GNB1: variants seen among roughly 807,000 people sequenced by gnomAD.
The protein encoded by GNB1 is G protein subunit beta 1.
In GNB1, 2 loss-of-function variants were observed where a neutral mutation model predicts 42.9. The ratio of observed to expected loss-of-function variants is 0.05; its 90% CI spans 0.02 to 0.15. The LOEUF (loss-of-function observed/expected upper bound fraction) is 0.15, where lower values mean the gene tolerates loss of function less well. GNB1 is among the 10% of genes least tolerant of loss of function. The probability of loss-of-function intolerance (pLI) is 1.00; values close to 1 mark genes in which losing one functional copy is unlikely to be tolerated. For synonymous variants in GNB1, 183 were observed against 174.7 expected, an observed-to-expected ratio of 1.05 and a Z score of -0.38; for missense variants, 193 against 462.2, an observed-to-expected ratio of 0.42 and a Z score of 5.34.
intron 1 of GNB1, among the ~76,000 whole-genome samples, chr1:1,879,266 T>A (rs1022156887): frequency 6.6e-6 from 1 of 152,210 alleles, no homozygotes; most frequent in Non-Finnish European, 1.5e-5. Context: ...TCCTCAACTA[T>A]TAAGGACCCC....
At chr1:1,883,182 A>T (rs891201411) in intron 1 of GNB1, among the ~76,000 whole-genome samples, 2 of 150,512 alleles carry the variant, frequency 1.3e-5, no homozygotes, top group African/African-American at 2.4e-5. Flanking sequence ...TGAGAGAAGA[A>T]GATCGTATGA....
chr1:1,790,278 A>G lies in GNB1; in HGVS notation c.699+117T>C. On this transcript the variant is annotated intron_variant, in intron 9 of 11. Transcript: ENST00000378609. This position sits in a 1 kb window ranked among gnomAD's most constrained non-coding sequence, Gnocchi z 5.4. ...TTTTCTGTATCCCCATCTGTACATG[A>G]GGTTGTATAAGGATCAGAAAGGAGA... 1 of 699,990 alleles carries G rather than the reference A, an allele frequency of 1.4e-6. No homozygotes were observed. The highest frequency in any genetic ancestry group is 2.5e-6 in the Non-Finnish European group (1 of 395,712). The allele number at this position is 699,990 out of a possible 1,614,324, so 43.4% of individuals were successfully genotyped here. A position where few individuals can be genotyped will look rare whatever the true frequency, so the allele number is the denominator to read the frequency against.
intron 1 of GNB1, among the ~76,000 whole-genome samples, chr1:1,884,916 A>G (rs184814240): frequency 6.7e-6 from 1 of 149,998 alleles, no homozygotes; most frequent in Admixed American, 6.7e-5. Context: ...ATCTCCTGAC[A>G]TCGTGATCTG....
At chr1:1,796,672 A>G (rs1646550762) in intron 7 of GNB1, among the ~76,000 whole-genome samples, 1 of 152,186 alleles carries the variant, frequency 6.6e-6, no homozygotes, top group Admixed American at 6.5e-5. Flanking sequence ...AAGCCTGCAG[A>G]GGGGCAGGGA....
chr1:1,847,530 A>G (rs929090195), intron 1 of GNB1, among the ~76,000 whole-genome samples: 4 of 152,220 alleles, frequency 2.6e-5, no homozygotes, highest in Admixed American at 1.3e-4. Context: ...TTTAAGGCTC[A>G]TAACACACAG....
chr1:1,873,069 T>A (rs1390344077), intron 1 of GNB1, among the ~76,000 whole-genome samples: 2 of 152,058 alleles, frequency 1.3e-5, no homozygotes, highest in Non-Finnish European at 2.9e-5. Context: ...TTTTTTTTTT[T>A]CTTCATTTTC....
In GNB1 at chr1:1,795,752, C is replaced by CAAAAAAACA. The variant is rs1427359161; in HGVS notation, c.431-2450_431-2442dup. Among the ~76,000 whole-genome samples the CAAAAAAACA allele has an allele frequency of 3.5e-4, 3 of 8,520 alleles. No homozygotes were observed. In the Non-Finnish European group the frequency reaches 7.5e-3, roughly 21 times the overall value. The allele number at this position is 8,520 out of a possible 152,430, so 5.6% of individuals were successfully genotyped here. A position where few individuals can be genotyped will look rare whatever the true frequency, so the allele number is the denominator to read the frequency against. On this transcript the variant is annotated intron_variant, in intron 7 of 11. Transcript: ENST00000378609. ...TGGGCAACAGAGTGAGACTCTGCCT[C>CAAAAAAACA]AAAAAAACAAAAAACATGACCTCAT...
At chr1:1,883,791 A>G (rs1004532518) in intron 1 of GNB1, among the ~76,000 whole-genome samples, 2 of 152,228 alleles carry the variant, frequency 1.3e-5, no homozygotes, top group African/African-American at 4.8e-5. Context: ...CAAATCAGCC[A>G]GTGAGGCAAC....
At chr1:1,807,488 A>AC (rs1557892240) in intron 5 of GNB1, among the ~76,000 whole-genome samples, 3 of 146,946 alleles carry the variant, frequency 2.0e-5, no homozygotes, top group South Asian at 2.1e-4. Context: ...AAAAAAAAAA[A>AC]AAAAACAAAC....
intron 2 of GNB1, among the ~76,000 whole-genome samples, chr1:1,833,054 C>A (rs1171444496): frequency 1.3e-5 from 2 of 152,154 alleles, no homozygotes; most frequent in Admixed American, 6.5e-5. Flanking sequence ...GGTCCCACCA[C>A]CAAGCAGCAA....
intron 7 of GNB1, among the ~76,000 whole-genome samples, chr1:1,795,567 G>C (rs975916449): frequency 6.6e-6 from 1 of 152,146 alleles, no homozygotes; most frequent in African/African-American, 2.4e-5. Context: ...GGCCAACATG[G>C]TGAAACCCCG....
At chr1:1,804,725 A>G in intron 6 of GNB1, 144 bp from the exon 7 acceptor site, 1 of 620,204 alleles carries the variant, frequency 1.6e-6, no homozygotes, top group Non-Finnish European at 2.8e-6. Flanking sequence ...CGATTCCCAT[A>G]TGTGGCCACT....
intron 2 of GNB1, among the ~76,000 whole-genome samples, chr1:1,830,022 G>C (rs915222616): frequency 3.9e-5 from 6 of 152,050 alleles, no homozygotes; most frequent in Non-Finnish European, 1.5e-5. Flanking sequence ...TTACAGGTGT[G>C]AGCCACTGCG....
chr1:1,863,007 C>A (rs1648718009), intron 1 of GNB1, among the ~76,000 whole-genome samples: 2 of 152,180 alleles, frequency 1.3e-5, no homozygotes, highest in African/African-American at 4.8e-5. Flanking sequence ...ATCCCTCTAC[C>A]TAAGAGCACA....
At chr1:1,849,181 A>T (rs1192731195) in intron 1 of GNB1, among the ~76,000 whole-genome samples, 1 of 152,154 alleles carries the variant, frequency 6.6e-6, no homozygotes, top group Non-Finnish European at 1.5e-5. Flanking sequence ...AAGCTCATTG[A>T]CCCCGATTTG....
At chr1:1,848,046 A>G (rs1218987248) in intron 1 of GNB1, among the ~76,000 whole-genome samples, 1 of 152,150 alleles carries the variant, frequency 6.6e-6, no homozygotes, top group Non-Finnish European at 1.5e-5. Context: ...ACTAAAGCAT[A>G]CAACAGAAGG....
intron 1 of GNB1, among the ~76,000 whole-genome samples, chr1:1,874,605 TAAAAAAAAAAA>T (rs34864042): frequency 1.7e-4 from 8 of 47,024 alleles, no homozygotes; most frequent in East Asian, 9.2e-4. Context: ...AGACTCCATC[TAAAAAAAAAAA>T]AAAAAAAAAA....
chr1:1,802,756 T>C (rs1304417709), intron 7 of GNB1, among the ~76,000 whole-genome samples: 2 of 138,620 alleles, frequency 1.4e-5, no homozygotes, highest in East Asian at 2.0e-4. Flanking sequence ...AGAGCAGGAC[T>C]CCATCTTAAA....
At chr1:1,861,666 G>A (rs552600419) in intron 1 of GNB1, among the ~76,000 whole-genome samples, 115 of 152,080 alleles carry the variant, frequency 7.6e-4, no homozygotes, top group Middle Eastern at 6.8e-3. Flanking sequence ...GTCAGAGCTG[G>A]AAGCAACCCT....
Sources: gnomAD v4.1 joint callset for allele counts (sites outside exome capture counted in the v4.1 genomes callset) on GRCh38, gnomAD v4.1.1 for gene constraint, Gnocchi (gnomAD v3.1) non-coding constraint, MANE v1.5 for transcripts, NCBI Gene and HGNC (gene_info 2026-07-23, HGNC 2026-07-21) for gene names.